Variants in TNR observed in about 807,000 individuals in gnomAD.
The protein encoded by TNR is tenascin R.
TNR carries 45 observed loss-of-function variants against 150.4 expected under a neutral mutation model. That is an observed-to-expected ratio of 0.30 (90% CI 0.24 to 0.38). TNR has a LOEUF of 0.38. Ranked by LOEUF, TNR falls within the 10% of genes least tolerant of loss-of-function variation. The pLI is 1.00. For synonymous variants in TNR, 687 were observed against 678.4 expected, an observed-to-expected ratio of 1.01 and a Z score of -0.20; for missense variants, 1,544 against 1,759.1, an observed-to-expected ratio of 0.88 and a Z score of 2.19.
intron 1 of TNR, among the ~76,000 whole-genome samples, chr1:175,540,704 C>G (rs1660467099): frequency 6.6e-6 from 1 of 152,096 alleles, no homozygotes; most frequent in Admixed American, 6.5e-5. Context: ...TCCACTCTCC[C>G]CTTCCCCAGA....
chr1:175,502,840 G>A (rs1658793772), intron 2 of TNR, among the ~76,000 whole-genome samples: 1 of 152,186 alleles, frequency 6.6e-6, no homozygotes, highest in Non-Finnish European at 1.5e-5. Context: ...TGGAGGGTGG[G>A]AGAGATCAGA....
In TNR at chr1:175,330,129, G is replaced by T. The variant is rs377731803; in HGVS notation, c.3738C>A (p.Val1246=). 4 of 1,612,978 alleles carry T rather than the reference G, an allele frequency of 2.5e-6. No individual in the cohort carries two copies. The highest frequency in any genetic ancestry group is 1.1e-5 in the South Asian group (1 of 90,996). ...AAFASYDRFS[V]EDSRNLYKLR... ...GTTTGTACAGGTTTCTGCTGTCCTC[G>T]ACAGAGAACCTGTCGTAGGAGGCGA... is the stretch of plus-strand genomic sequence containing the variant. The change falls in exon 21 of 23, where the codon GTC becomes GTA. Residue 1246 remains valine, a synonymous_variant. Coordinates refer to ENST00000367674, the MANE Select transcript of TNR (RefSeq NM_003285.3).
intron 20 of TNR, among the ~76,000 whole-genome samples, chr1:175,331,054 T>TTTCCTTCCTTCCTTCC (rs1557867696): frequency 5.7e-5 from 6 of 105,728 alleles, no homozygotes; most frequent in African/African-American, 2.3e-4. Context: ...TCTTTCTTTC[T>TTTCCTTCCTTCCTTCC]TTCTTTCTTT....
intron 1 of TNR, among the ~76,000 whole-genome samples, chr1:175,659,640 G>A (rs1049566655): frequency 2.6e-5 from 4 of 152,200 alleles, no homozygotes; most frequent in African/African-American, 9.7e-5. Context: ...GCCTCATCAA[G>A]CACTGCTTCT....
chr1:175,563,990 G>A (rs921651515), intron 1 of TNR, among the ~76,000 whole-genome samples: 3 of 152,222 alleles, frequency 2.0e-5, no homozygotes, highest in African/African-American at 7.2e-5. Context: ...AAACTGGTGT[G>A]TGCTGAATCT....
At chr1:175,601,713 C>T (rs1252298988) in intron 1 of TNR, among the ~76,000 whole-genome samples, 4 of 152,130 alleles carry the variant, frequency 2.6e-5, no homozygotes, top group Admixed American at 6.5e-5. Context: ...AGAGAGAAAT[C>T]GCTCCCCTCT....
chr1:175,583,228 C>T (rs990368034), intron 1 of TNR, among the ~76,000 whole-genome samples: 6 of 152,068 alleles, frequency 3.9e-5, no homozygotes, highest in African/African-American at 1.4e-4. Context: ...CACAGGTGGC[C>T]ATAGTTTGAA....
At chr1:175,457,941 A>G (rs863516) in intron 2 of TNR, among the ~76,000 whole-genome samples, 149,585 of 152,360 alleles carry the variant, frequency 0.98, 73,446 homozygotes, top group East Asian at 1. Context: ...GTTGTTGTTT[A>G]AACTCATGTC....
At chr1:175,349,691 G>C (rs1369985489) in intron 18 of TNR, among the ~76,000 whole-genome samples, 1 of 152,218 alleles carries the variant, frequency 6.6e-6, no homozygotes, top group Non-Finnish European at 1.5e-5. Flanking sequence ...CCTTGCTGGA[G>C]ATTGACATGG....
chr1:175,506,459 G>A (rs1006405652), intron 2 of TNR, among the ~76,000 whole-genome samples: 6 of 152,146 alleles, frequency 3.9e-5, no homozygotes, highest in African/African-American at 1.2e-4. Context: ...TTTGGAAATA[G>A]GACCATTAAA....
At chr1:175,706,917 G>T (rs1666857595) in intron 1 of TNR, among the ~76,000 whole-genome samples, 1 of 152,182 alleles carries the variant, frequency 6.6e-6, no homozygotes, top group African/African-American at 2.4e-5. Flanking sequence ...AGGTCCTGGA[G>T]ATAAGGCCTG....
intron 1 of TNR, among the ~76,000 whole-genome samples, chr1:175,638,906 A>G: frequency 6.6e-6 from 1 of 152,312 alleles, no homozygotes; most frequent in East Asian, 1.9e-4. Context: ...ACAGAACTTT[A>G]TTAAATGAAA....
At position 175,515,534 on chromosome 1, in the gene TNR, G is replaced by T. The variant is rs140052428; in HGVS notation, c.-64+12735C>A. Among the ~76,000 whole-genome samples, 375 of 152,342 alleles carry T rather than the reference G, an allele frequency of 2.5e-3. 2 individuals carry two copies. Among genetic ancestry groups the T allele is most frequent in the African/African-American group, 8.4e-3 (350 of 41,580 alleles). Reference sequence around the variant, plus strand: ...AGGAACAACATGGCACTATGAAAGAGCATAGAACATTCTGGACTTGGGTGT... The same window carrying T: ...AGGAACAACATGGCACTATGAAAGATCATAGAACATTCTGGACTTGGGTGT... On this transcript the variant is annotated intron_variant, in intron 2 of 22. Transcript: ENST00000367674.
At chr1:175,357,261 A>T (rs186447602) in intron 15 of TNR, among the ~76,000 whole-genome samples, 2 of 152,344 alleles carry the variant, frequency 1.3e-5, no homozygotes, top group Admixed American at 1.3e-4. Context: ...CAAATTTGGT[A>T]AGCATGTCTT....
chr1:175,415,002 AAGG>A lies in TNR; in HGVS notation c.-63-8228_-63-8226del, dbSNP rs199554929. On this transcript the variant is annotated intron_variant, in intron 2 of 22. Transcript: ENST00000367674. ...TGAGCGTGAAGGTTGTTGGGCAGGG[AAGG>A]AGAAGTGACCTCCTGGGGTTGGGTG... 3.1e-3 allele frequency among the ~76,000 whole-genome samples: 470 copies of A among 150,426 alleles called. 8 individuals carry two copies. Among genetic ancestry groups the A allele is most frequent in the African/African-American group, 0.011 (453 of 41,080 alleles).
intron 1 of TNR, among the ~76,000 whole-genome samples, chr1:175,689,099 CT>C (rs1355602452): frequency 3.3e-5 from 5 of 152,234 alleles, no homozygotes; most frequent in Non-Finnish European, 5.9e-5. Context: ...CTGGCTGTCT[CT>C]GTAGGACCAC....
chr1:175,487,566 C>A (rs963404339), intron 2 of TNR, among the ~76,000 whole-genome samples: 1 of 152,200 alleles, frequency 6.6e-6, no homozygotes, highest in Non-Finnish European at 1.5e-5. Context: ...ATCATCCTCC[C>A]CTCAAAGCTA....
At chr1:175,669,213 C>T (rs116516168) in intron 1 of TNR, among the ~76,000 whole-genome samples, 6 of 152,176 alleles carry the variant, frequency 3.9e-5, no homozygotes, top group African/African-American at 7.2e-5. Flanking sequence ...AGATTAAATG[C>T]GGTAACCATT....
chr1:175,645,662 AT>A lies in TNR; in HGVS notation c.-165+97563del, dbSNP rs370709774. On this transcript the variant is annotated intron_variant, in intron 1 of 22. Transcript: ENST00000367674. ...ATAACCAACACGACTCAGTGAAGAT[AT>A]TTCTGCAGGGAATGAAGTTAATATG... Among the ~76,000 whole-genome samples, 59 of 152,336 alleles carry A rather than the reference AT, an allele frequency of 3.9e-4. 1 individual carries two copies. The East Asian group carries it at 0.011, about 28-fold the overall frequency.
Sources: gnomAD v4.1 joint callset for allele counts (sites outside exome capture counted in the v4.1 genomes callset) on GRCh38, gnomAD v4.1.1 for gene constraint, MANE v1.5 for transcripts, NCBI Gene and HGNC (gene_info 2026-07-23, HGNC 2026-07-21) for gene names.